The following PTCH1 variants were observed in gnomAD, a reference collection of about 807,000 sequenced individuals.
The protein encoded by PTCH1 is protein patched homolog 1.
In PTCH1, 14 loss-of-function variants were observed where a neutral mutation model predicts 144.6. The ratio of observed to expected loss-of-function variants is 0.10; its 90% CI spans 0.06 to 0.15. The LOEUF (loss-of-function observed/expected upper bound fraction) is 0.15. Ranked by LOEUF, PTCH1 falls within the 10% of genes least tolerant of loss-of-function variation. The pLI, the probability that PTCH1 is intolerant of heterozygous loss-of-function variation, is 1.00. For missense variants in PTCH1, 1,623 were observed against 1,948.3 expected (o/e 0.83, Z 3.14); for synonymous variants, 833 against 793.6 (o/e 1.05, Z -0.83).
chr9:95,504,645 T>A (rs1337604323), intron 2 of PTCH1, among the ~76,000 whole-genome samples: 2 of 152,084 alleles, frequency 1.3e-5, no homozygotes, highest in Non-Finnish European at 2.9e-5. Context: ...GCAGCGCCCC[T>A]ACAGTCTAGC....
intron 23 of PTCH1, 35 bp from the exon 24 acceptor site, chr9:95,446,426 G>A (rs1564003476): frequency 1.9e-6 from 1 of 518,746 alleles, no homozygotes; most frequent in Non-Finnish European, 3.8e-6. Context: ...GTTGAACAGA[G>A]TAAGAGGTGT....
intron 12 of PTCH1, among the ~76,000 whole-genome samples, chr9:95,471,600 A>T (rs951096532): frequency 6.6e-6 from 1 of 152,252 alleles, no homozygotes; most frequent in Non-Finnish European, 1.5e-5. Context: ...CTCAATTCTC[A>T]CAGAGCCAGA....
rs116438693 is a variant in PTCH1 at position 95,507,319 on chromosome 9, A to T, written c.202-720T>A. The T allele has an allele frequency of 2.8e-4, 275 of 985,496 alleles. 1 individual carries two copies. The African/African-American group carries it at 4.5e-3, about 16-fold the overall frequency. The allele number at this position is 985,496 out of a possible 1,614,324, so 61.0% of individuals were successfully genotyped here. On this transcript the variant is annotated intron_variant, in intron 1 of 23. Transcript: ENST00000331920. ...TTAAACGTAAAAAACAGCCGAGTGC[A>T]AAGGGAAGGGCTCAGGCCGGCGCAG...
intron 3 of PTCH1, chr9:95,483,758 C>T (rs1024706493): frequency 6.6e-6 from 1 of 152,266 alleles, no homozygotes; most frequent in African/African-American, 2.4e-5. Context: ...CGCCATCCTC[C>T]ACCTAGCCAC....
In PTCH1 at chr9:95,447,007, G is replaced by T. The variant is rs776235476; in HGVS notation, c.4249C>A (p.His1417Asn). 4.3e-6 allele frequency: 7 copies of T among 1,614,084 alleles called. No individual in the cohort carries two copies. The highest frequency in any genetic ancestry group is 1.7e-5 in the Admixed American group (1 of 60,002). The change falls in exon 23 of 24, where the codon CAC (histidine) becomes AAC (asparagine). Residue 1417 changes from histidine to asparagine, a missense_variant. Physicochemically the swap from His to Asn is moderately conservative, Grantham distance 68 (BLOSUM62 1). Transcript: ENST00000331920. ...GAATCCCTCCTCTCACACCGGACGT[G>T]GAAAGGCACGTGGGGGTCCTCAAAC... ...GLFEDPHVPF[H>N]VRCERRDSKV...
At chr9:95,480,635 C>T (rs377317795) in intron 5 of PTCH1, 47 bp from the exon 6 acceptor site, 46 of 1,573,402 alleles carry the variant, frequency 2.9e-5, no homozygotes, top group Middle Eastern at 3.3e-4. Context: ...GCCTTCTAAA[C>T]GCATCGTAAA....
At position 95,480,053 on chromosome 9, in the gene PTCH1, T is replaced by C; in HGVS notation, c.983A>G (p.His328Arg). ...DMALVLNGGC[H>R]GLSRKYMHWQ... Reference sequence around the variant, plus strand: ...GTGCATATACTTTCTGGATAAGCCATGACATCCACCATTCAAAACAAGGGC... The same window carrying C: ...GTGCATATACTTTCTGGATAAGCCACGACATCCACCATTCAAAACAAGGGC... Residue 328 changes from histidine to arginine, a missense_variant, in exon 7 of 24, where the codon CAT becomes CGT. Physicochemically the swap from His to Arg is conservative, Grantham distance 29. This residue lies in a region of PTCH1 where 230 missense variants were observed against 271.0 expected (regional missense o/e 0.85). Coordinates refer to ENST00000331920, the MANE Select transcript of PTCH1 (RefSeq NM_000264.5). The C allele has an allele frequency of 6.2e-7, 1 of 1,613,962 alleles. No homozygotes were observed. Among genetic ancestry groups the C allele is most frequent in the Non-Finnish European group, 8.5e-7 (1 of 1,180,016 alleles).
At position 95,449,408 on chromosome 9, in the gene PTCH1, G is replaced by A. The variant is rs1474182069; in HGVS notation, c.3550-85C>T. 6 of 1,524,366 alleles carry A rather than the reference G, an allele frequency of 3.9e-6. No homozygotes were observed. The highest frequency in any genetic ancestry group is 1.4e-5 in the African/African-American group (1 of 72,762). 94.4% of individuals were successfully genotyped at this position (1,524,366 alleles called of 1,614,324 possible). On this transcript the variant is annotated intron_variant, in intron 21 of 23. Transcript: ENST00000331920. The surrounding 1 kb of genome is among the most constrained non-coding windows in gnomAD (Gnocchi z 5.3). ...AAAGCTCAAAGCACGGTATTTTTCA[G>A]GGGCCTCTGTTCCCTGCCCTGGGGC...
intron 1 of PTCH1, chr9:95,507,186 G>C: frequency 1.0e-6 from 1 of 985,638 alleles, no homozygotes; most frequent in East Asian, 1.1e-4. Flanking sequence ...GGGAGAGGCT[G>C]TGTGAGCTGA....
At chr9:95,454,103 T>G (rs1588530331) in intron 19 of PTCH1, among the ~76,000 whole-genome samples, 2 of 152,356 alleles carry the variant, frequency 1.3e-5, no homozygotes, top group South Asian at 4.1e-4. Context: ...ATGTTTGTAG[T>G]ACATCTAAGC....
At chr9:95,464,241 A>T (rs1383628528) in intron 15 of PTCH1, among the ~76,000 whole-genome samples, 1 of 152,220 alleles carries the variant, frequency 6.6e-6, no homozygotes, top group African/African-American at 2.4e-5. Flanking sequence ...AGCTCAAGTA[A>T]CAAGGGGCTG....
At chr9:95,516,672 C>G (rs1355453667) in exon 1 of PTCH1, 2 of 1,613,208 alleles carry the variant, frequency 1.2e-6, no homozygotes, top group South Asian at 2.2e-5. Flanking sequence ...TTCTTCTCCT[C>G]CGTTTTCTTC....
Position 95,458,435 on chromosome 9 carries a change from C to T in PTCH1, c.2888-142G>A. Reference sequence around the variant, plus strand: ...AAAGAACAAACAATGCTGATCATAGCCTCCAGGCCTTTACGATCTTCCCAT... The same window carrying T: ...AAAGAACAAACAATGCTGATCATAGTCTCCAGGCCTTTACGATCTTCCCAT... On this transcript the variant is annotated intron_variant, in intron 17 of 23. Transcript: ENST00000331920. This position sits in a 1 kb window ranked among gnomAD's most constrained non-coding sequence, Gnocchi z 4.7. 2 of 1,081,918 alleles carry T rather than the reference C, an allele frequency of 1.8e-6. No homozygotes were observed. The highest frequency in any genetic ancestry group is 2.7e-6 in the Non-Finnish European group (2 of 733,422). 67.0% of individuals were successfully genotyped at this position (1,081,918 alleles called of 1,614,324 possible).
intron 12 of PTCH1, among the ~76,000 whole-genome samples, chr9:95,473,798 T>C (rs1415584787): frequency 6.6e-6 from 1 of 152,174 alleles, no homozygotes; most frequent in East Asian, 1.9e-4. Flanking sequence ...CGTCTCGGCC[T>C]CCCAAAGTGC....
chr9:95,451,059 G>C (rs1838417099), intron 20 of PTCH1: 1 of 152,180 alleles, frequency 6.6e-6, no homozygotes, highest in Non-Finnish European at 1.5e-5. Context: ...AAATGGAACA[G>C]GCAACCAGTG....
intron 16 of PTCH1, among the ~76,000 whole-genome samples, chr9:95,460,275 CA>C (rs1174302650): frequency 6.6e-6 from 1 of 152,126 alleles, no homozygotes; most frequent in Non-Finnish European, 1.5e-5. Flanking sequence ...CCTGTGGATT[CA>C]AAAAATGCCC....
rs2136598986 is a variant in PTCH1, at chr9:95,449,169, C to G, written c.3704G>C (p.Ser1235Thr). 6.2e-7 allele frequency: 1 copy of G among 1,613,064 alleles called. No homozygotes were observed. Among genetic ancestry groups the G allele is most frequent in the African/African-American group, 1.3e-5 (1 of 75,058 alleles). ...YSSQTTVSGLSEELRHYEAQQ... is the reference protein window; with the variant it reads ...YSSQTTVSGLTEELRHYEAQQ... ...GGCCTCGTAGTGCCGAAGCTCCTCG[C>G]TGAGGCCTGACACTGTCGTCTGGGA... Residue 1235 changes from serine to threonine, a missense_variant, in exon 22 of 24, where the codon AGC becomes ACC. Transcript: ENST00000331920. The surrounding 1 kb of genome is among the most constrained non-coding windows in gnomAD (Gnocchi z 5.3).
intron 2 of PTCH1, among the ~76,000 whole-genome samples, chr9:95,490,415 G>C (rs1306056876): frequency 6.6e-6 from 1 of 151,750 alleles, no homozygotes; most frequent in Non-Finnish European, 1.5e-5. Context: ...CAGGAGTTGG[G>C]GGGTGCAGTG....
At position 95,476,684 on chromosome 9, in the gene PTCH1, A is replaced by G. The variant is rs146750438; in HGVS notation, c.1602+75T>C. The G allele has an allele frequency of 5.4e-5, 77 of 1,423,244 alleles. No homozygotes were observed. In the East Asian group the frequency reaches 1.3e-3, roughly 24 times the overall value. 88.2% of individuals were successfully genotyped at this position (1,423,244 alleles called of 1,614,324 possible). A position where few individuals can be genotyped will look rare whatever the true frequency, so the allele number is the denominator to read the frequency against. On this transcript the variant is annotated intron_variant, in intron 11 of 23. Transcript: ENST00000331920. This position sits in a 1 kb window ranked among gnomAD's most constrained non-coding sequence, Gnocchi z 4.6. ...ATCTTTACTGGGTCAGACTGAGGAA[A>G]ATTAAAGGACAAATACTTAGGAACA...
Sources: gnomAD v4.1 joint callset for allele counts (sites outside exome capture counted in the v4.1 genomes callset) on GRCh38, gnomAD v4.1.1 for gene constraint, gnomAD v4.1.1 regional missense constraint, Gnocchi (gnomAD v3.1) non-coding constraint, MANE v1.5 for transcripts, NCBI Gene and HGNC (gene_info 2026-07-23, HGNC 2026-07-21) for gene names.